The following TMPRSS11E variants were observed in gnomAD, a reference collection of about 807,000 sequenced individuals.
The protein encoded by TMPRSS11E is transmembrane serine protease 11E.
Under a neutral mutation model 48.1 loss-of-function variants are expected in TMPRSS11E, and 38 were observed. That is an observed-to-expected ratio of 0.79 (90% CI 0.61 to 1.04). The LOEUF (loss-of-function observed/expected upper bound fraction) is 1.04. TMPRSS11E is among the 50% of genes least tolerant of loss of function. The pLI, the probability that TMPRSS11E is intolerant of heterozygous loss-of-function variation, is 0.00. For missense variants in TMPRSS11E, 530 were observed against 510.8 expected, an observed-to-expected ratio of 1.04 and a Z score of -0.36; for synonymous variants, 158 against 171.9, an observed-to-expected ratio of 0.92 and a Z score of 0.63.
intron 2 of TMPRSS11E, among the ~76,000 whole-genome samples, chr4:68,466,238 T>C (rs1227962396): frequency 6.6e-6 from 1 of 152,168 alleles, no homozygotes; most frequent in Non-Finnish European, 1.5e-5. Flanking sequence ...AGAAAATCTA[T>C]GTTTGGAATA....
intron 1 of TMPRSS11E, among the ~76,000 whole-genome samples, chr4:68,459,963 A>G (rs914959618): frequency 6.6e-6 from 1 of 152,066 alleles, no homozygotes; most frequent in African/African-American, 2.4e-5. Flanking sequence ...ACATAATCTC[A>G]TTGTGGAGAA....
intron 4 of TMPRSS11E, among the ~76,000 whole-genome samples, chr4:68,469,682 T>A (rs1414912530): frequency 3.9e-5 from 6 of 151,932 alleles, no homozygotes; most frequent in Admixed American, 6.6e-5. Flanking sequence ...TCTTTAAGTT[T>A]CACTTTCTCA....
chr4:68,477,380 C>G lies in TMPRSS11E; in HGVS notation c.719C>G (p.Pro240Arg). 6.2e-7 allele frequency: 1 copy of G among 1,613,262 alleles called. No individual in the cohort carries two copies. Among genetic ancestry groups the G allele is most frequent in the Non-Finnish European group, 8.5e-7 (1 of 1,179,632 alleles). Residue 240 changes from proline to arginine, a missense_variant, in exon 8 of 10, where the codon CCT becomes CGT. Pro to Arg is a moderately radical substitution (Grantham distance 103). Coordinates refer to ENST00000305363, the MANE Select transcript of TMPRSS11E (RefSeq NM_014058.4). Reference sequence around the variant, plus strand: ...TTTTTTCTCCCCAGATATAAGAACCCTGCCAGATGGACTGCTTCCTTTGGA... The same window carrying G: ...TTTTTTCTCCCCAGATATAAGAACCGTGCCAGATGGACTGCTTCCTTTGGA... ...AAHCFTTYKN[P>R]ARWTASFGVT...
intron 7 of TMPRSS11E, 83 bp from the exon 8 acceptor site, chr4:68,477,285 AC>A: frequency 7.5e-7 from 1 of 1,324,504 alleles, no homozygotes; most frequent in Admixed American, 2.4e-5. Flanking sequence ...AAAAATCTAC[AC>A]CTGTAGACTA....
chr4:68,466,868 GA>G (rs1728941555), intron 3 of TMPRSS11E, 116 bp downstream of exon 3: 14 of 1,328,830 alleles, frequency 1.1e-5, no homozygotes, highest in Admixed American at 2.0e-5. Context: ...TTTGCAAAAT[GA>G]AAAGAGGCCC....
chr4:68,454,148 T>C (rs779884998), intron 1 of TMPRSS11E, among the ~76,000 whole-genome samples: 2 of 151,928 alleles, frequency 1.3e-5, no homozygotes, highest in Non-Finnish European at 2.9e-5. Flanking sequence ...AGTATAGCTG[T>C]ATTAAGTTTG....
At chr4:68,472,487 A>G (rs1017753924) in intron 5 of TMPRSS11E, among the ~76,000 whole-genome samples, 1 of 152,054 alleles carries the variant, frequency 6.6e-6, no homozygotes, top group African/African-American at 2.4e-5. Flanking sequence ...CGTACATTTT[A>G]TACTGATAGT....
At chr4:68,455,428 C>T (rs1056999287) in intron 1 of TMPRSS11E, among the ~76,000 whole-genome samples, 2 of 151,846 alleles carry the variant, frequency 1.3e-5, no homozygotes, top group Admixed American at 6.6e-5. Flanking sequence ...TGCTGGAACT[C>T]GTTTGATGTG....
chr4:68,476,265 C>T lies in TMPRSS11E; in HGVS notation c.534C>T (p.Cys178=), dbSNP rs138790575. 6,651 of 1,613,870 alleles carry T rather than the reference C, an allele frequency of 4.1e-3. 15 individuals are homozygous for T. The highest frequency in any genetic ancestry group is 5.2e-3 in the Non-Finnish European group (6,181 of 1,179,944). The part of the protein sequence containing the change: ...TETDSYLNHC[C]GTRRSKTLGQ... ...CCCCCCCTCTCTCTTTTGCAGGCTG[C>T]GGAACACGAAGAAGTAAAACTCTAG... The change falls in exon 7 of 10, where the codon TGC becomes TGT. Residue 178 remains cysteine (C), a synonymous_variant. Coordinates refer to ENST00000305363, the MANE Select transcript of TMPRSS11E (RefSeq NM_014058.4).
chr4:68,463,451 G>A (rs766839581), intron 2 of TMPRSS11E, among the ~76,000 whole-genome samples: 5 of 152,068 alleles, frequency 3.3e-5, no homozygotes, highest in South Asian at 2.1e-4. Context: ...ACAGGCATGC[G>A]CCACCACACC....
chr4:68,478,600 G>T lies in TMPRSS11E; in HGVS notation c.968-249G>T, dbSNP rs1473854069. Among the ~76,000 whole-genome samples the T allele has an allele frequency of 2.0e-5, 3 of 150,962 alleles. No homozygotes were observed. In the Admixed American group the frequency reaches 2.0e-4, roughly 10 times the overall value. ...CTCCTGAATAGCTGGGATTACAGGT[G>T]CATGCCACCACCCCCGGCTAATTTT... On this transcript the variant is annotated intron_variant, in intron 8 of 9. Transcript: ENST00000305363.
intron 1 of TMPRSS11E, among the ~76,000 whole-genome samples, chr4:68,457,867 G>A (rs1021809154): frequency 6.6e-6 from 1 of 152,024 alleles, no homozygotes; most frequent in Non-Finnish European, 1.5e-5. Context: ...TCACTCATAA[G>A]TGGGAGTTAA....
chr4:68,488,296 T>C (rs948013294), intron 9 of TMPRSS11E, among the ~76,000 whole-genome samples: 1 of 152,190 alleles, frequency 6.6e-6, no homozygotes. Context: ...GGGATGCCAG[T>C]GAATTGTAGA....
At chr4:68,449,889 T>C (rs1215738645) in intron 1 of TMPRSS11E, among the ~76,000 whole-genome samples, 2 of 151,804 alleles carry the variant, frequency 1.3e-5, no homozygotes, top group Non-Finnish European at 2.9e-5. Context: ...TACTCATTTA[T>C]GCAACATGGT....
In TMPRSS11E at chr4:68,455,704, A is replaced by G. The variant is rs184861018; in HGVS notation, c.12-6117A>G. On this transcript the variant is annotated intron_variant, in intron 1 of 9. Transcript: ENST00000305363. ...GATACACTTGCAGTGATATCAGCAC[A>G]CTGCTTGTTAATTCTTATTTTTCTT... Among the ~76,000 whole-genome samples, 28 of 152,104 alleles carry G rather than the reference A, an allele frequency of 1.8e-4. 1 individual carries two copies. The East Asian group carries it at 3.5e-3, about 19-fold the overall frequency.
At chr4:68,477,768 A>G (rs1310459903) in intron 8 of TMPRSS11E, 140 bp downstream of exon 8, 3 of 1,086,638 alleles carry the variant, frequency 2.8e-6, no homozygotes, top group Non-Finnish European at 4.0e-6. Context: ...AGTGAAGTAA[A>G]TAACTTGGAA....
chr4:68,494,733 G>A (rs2109727722), intron 9 of TMPRSS11E, among the ~76,000 whole-genome samples: 1 of 152,294 alleles, frequency 6.6e-6, no homozygotes, highest in African/African-American at 2.4e-5. Flanking sequence ...TTTAAAAATA[G>A]CTTGCACAGT....
chr4:68,471,406 CTTTCTTTCTTCT>C (rs1467354545), intron 4 of TMPRSS11E, 42 bp from the exon 5 acceptor site: 1 of 692,900 alleles, frequency 1.4e-6, no homozygotes, highest in African/African-American at 2.0e-5. Context: ...CCCTTCCTGC[CTTTCTTTCTTCT>C]TTTCTTTTCT....
chr4:68,458,100 C>T (rs1307869029), intron 1 of TMPRSS11E, among the ~76,000 whole-genome samples: 1 of 151,996 alleles, frequency 6.6e-6, no homozygotes, highest in Non-Finnish European at 1.5e-5. Context: ...TTTTAAAAGA[C>T]CAACTATTGA....
Sources: gnomAD v4.1 joint callset for allele counts (sites outside exome capture counted in the v4.1 genomes callset) on GRCh38, gnomAD v4.1.1 for gene constraint, MANE v1.5 for transcripts, NCBI Gene and HGNC (gene_info 2026-07-23, HGNC 2026-07-21) for gene names.